The following SCAP variants were observed in gnomAD, a reference collection of about 807,000 sequenced individuals.
SCAP encodes sterol regulatory element-binding protein cleavage-activating protein.
Under a neutral mutation model 123.6 loss-of-function variants are expected in SCAP, and 65 were observed. The observed-to-expected ratio is 0.53, with a 90% CI of 0.43 to 0.65. The LOEUF is 0.65. Ranked by LOEUF, SCAP falls within the 30% of genes least tolerant of loss-of-function variation. SCAP has a pLI of 0.00. For synonymous variants in SCAP, 740 were observed against 726.3 expected (o/e 1.02, Z -0.30); for missense variants, 1,398 against 1,712.5 (o/e 0.82, Z 3.24).
chr3:47,462,739 G>A (rs1156933695), intron 1 of SCAP, among the ~76,000 whole-genome samples: 5 of 129,408 alleles, frequency 3.9e-5, no homozygotes, highest in Non-Finnish European at 7.9e-5. Flanking sequence ...GGCAATAAGA[G>A]CGAAACTCCG....
At chr3:47,428,755 T>C (rs1262217702) in intron 3 of SCAP, 85 bp from the exon 4 acceptor site, 14 of 1,431,144 alleles carry the variant, frequency 9.8e-6, no homozygotes, top group African/African-American at 2.8e-5. Context: ...TTAATGGGCA[T>C]TGGAAACCGT....
At chr3:47,418,597 T>C in intron 14 of SCAP, 58 bp downstream of exon 14, 1 of 1,549,058 alleles carries the variant, frequency 6.5e-7, no homozygotes. Context: ...CCCCTACTCT[T>C]GCCTACCCGT....
intron 18 of SCAP, 77 bp downstream of exon 18, chr3:47,417,045 A>G (rs1340878248): frequency 2.3e-6 from 3 of 1,311,430 alleles, no homozygotes; most frequent in Non-Finnish European, 2.2e-6. Context: ...GAAGAGAACC[A>G]GAACTCAAGA....
chr3:47,416,135 C>T (rs1270294198), intron 18 of SCAP, among the ~76,000 whole-genome samples: 3 of 152,254 alleles, frequency 2.0e-5, no homozygotes, highest in Non-Finnish European at 4.4e-5. Context: ...AGCTCTAGGT[C>T]AGATGGTGCT....
rs1452118290 is a variant in SCAP, at chr3:47,417,353, T to G, written c.2921A>C (p.Glu974Ala). 1 of 1,609,834 alleles carries G rather than the reference T, an allele frequency of 6.2e-7. No homozygotes were observed. The highest frequency in any genetic ancestry group is 8.5e-7 in the Non-Finnish European group (1 of 1,179,138). Residue 974 changes from glutamate to alanine, a missense_variant, in exon 17 of 23, where the codon GAG becomes GCG. Transcript: ENST00000265565. ...CACCACGATGAGGTTGCCCTGCAGC[T>G]CCAAGCTCCAGATGGAACCCTCGGC... ...PSAEGSIWSL[E>A]LQGNLIVVGR...
chr3:47,470,776 G>A (rs922855370), intron 1 of SCAP, among the ~76,000 whole-genome samples: 7 of 152,038 alleles, frequency 4.6e-5, no homozygotes, highest in Admixed American at 2.6e-4. Context: ...CAGGAGAGTC[G>A]CTTGAACCCA....
intron 7 of SCAP, 67 bp from the exon 8 acceptor site, chr3:47,425,678 G>C: frequency 1.9e-6 from 3 of 1,564,028 alleles, no homozygotes; most frequent in Non-Finnish European, 2.6e-6. Flanking sequence ...GGGCTCCCGG[G>C]AGTAGGTTGC....
At chr3:47,455,307 A>G (rs1255523031) in intron 1 of SCAP, among the ~76,000 whole-genome samples, 2 of 151,518 alleles carry the variant, frequency 1.3e-5, no homozygotes, top group African/African-American at 2.4e-5. Context: ...AATCTCTGAA[A>G]CTCCCAGCAG....
At position 47,449,563 on chromosome 3, in the gene SCAP, A is replaced by C. The variant is rs771933318; in HGVS notation, c.-98-6472T>G. Among the ~76,000 whole-genome samples the C allele has an allele frequency of 8.8e-4, 109 of 124,090 alleles. 25 individuals are homozygous for C. Among genetic ancestry groups the C allele is most frequent in the Admixed American group, 1.3e-3 (14 of 11,140 alleles). 81.4% of individuals were successfully genotyped at this position (124,090 alleles called of 152,430 possible). A position where few individuals can be genotyped will look rare whatever the true frequency, so the allele number is the denominator to read the frequency against. On this transcript the variant is annotated intron_variant, in intron 1 of 22. Coordinates refer to ENST00000265565, the MANE Select transcript of SCAP (RefSeq NM_012235.4). ...GGCCAGAGCAAGAGAAAAGGAGAAA[A>C]GACAAAGCAAACAACACACGAGATT...
chr3:47,449,895 T>G lies in SCAP; in HGVS notation c.-98-6804A>C, dbSNP rs1707180096. Among the ~76,000 whole-genome samples, 2 of 125,772 alleles carry G rather than the reference T, an allele frequency of 1.6e-5. 1 individual carries two copies. The highest frequency in any genetic ancestry group is 3.5e-5 in the Non-Finnish European group (2 of 56,630). The allele number at this position is 125,772 out of a possible 152,430, so 82.5% of individuals were successfully genotyped here. A position where few individuals can be genotyped will look rare whatever the true frequency, so the allele number is the denominator to read the frequency against. On this transcript the variant is annotated intron_variant, in intron 1 of 22. Coordinates refer to ENST00000265565, the MANE Select transcript of SCAP (RefSeq NM_012235.4). ...GGATTTCAGTTGCTCTCTTCAGACA[T>G]AAAGGGTGGAGTATGTTTACTCCAT...
At chr3:47,424,145 C>T (rs1415499675) in intron 8 of SCAP, 100 bp from the exon 9 acceptor site, 11 of 822,328 alleles carry the variant, frequency 1.3e-5, no homozygotes, top group Non-Finnish European at 2.0e-5. Flanking sequence ...GTCATGGGGG[C>T]TGCTGAGTGA....
chr3:47,418,626 T>TTGGCCCCC, intron 14 of SCAP, 29 bp downstream of exon 14: 14 of 1,459,484 alleles, frequency 9.6e-6, no homozygotes, highest in South Asian at 1.2e-5. Context: ...CCGCACTCTT[T>TTGGCCCCC]CCCACCCCAC....
rs188227899 is a variant in SCAP at position 47,466,417 on chromosome 3, C to A, written c.-99+9382G>T. ...CATGTGAGATGAGTCATTCTTGAACCTTGTTATGATGTCAGCACTACCCAT... is the reference window on the plus strand; with the variant it reads ...CATGTGAGATGAGTCATTCTTGAACATTGTTATGATGTCAGCACTACCCAT... On this transcript the variant is annotated intron_variant, in intron 1 of 22. Coordinates refer to ENST00000265565, the MANE Select transcript of SCAP (RefSeq NM_012235.4). 1.7e-4 allele frequency among the ~76,000 whole-genome samples: 26 copies of A among 151,880 alleles called. No individual in the cohort carries two copies. In the South Asian group the frequency reaches 5.0e-3, roughly 29 times the overall value.
At chr3:47,417,054 G>T in intron 18 of SCAP, 68 bp downstream of exon 18, 2 of 1,394,468 alleles carry the variant, frequency 1.4e-6, no homozygotes, top group South Asian at 1.2e-5. Context: ...CAGAACTCAA[G>T]ACTCAAGAGA....
Position 47,417,672 on chromosome 3 carries a change from C to T in SCAP, c.2602G>A (p.Gly868Arg), listed in dbSNP as rs749293673. The change falls in exon 17 of 23, where the codon GGG becomes AGG. Residue 868 changes from glycine (G) to arginine (R), a missense_variant. By Grantham distance (125) the Gly-to-Arg change is moderately radical. This residue lies in a region of SCAP where 828 missense variants were observed against 882.5 expected (regional missense o/e 0.94). Transcript: ENST00000265565. ...AAGCAGGTGAGGTCAGGCTGGTCCC[C>T]GAAGAGGGAAGGCGGCGGAGGGCCC... ...PRGPPPPSLFGDQPDLTCLID... is the reference protein window; with the variant it reads ...PRGPPPPSLFRDQPDLTCLID... The T allele has an allele frequency of 5.7e-5, 92 of 1,608,294 alleles. No individual in the cohort carries two copies. The highest frequency in any genetic ancestry group is 1.8e-4 in the South Asian group (16 of 90,696).
At chr3:47,455,768 T>C (rs1229497449) in intron 1 of SCAP, among the ~76,000 whole-genome samples, 1 of 152,000 alleles carries the variant, frequency 6.6e-6, no homozygotes, top group Non-Finnish European at 1.5e-5. Flanking sequence ...ACAGTCCCAA[T>C]AAAAACAGGA....
At chr3:47,437,732 A>C (rs1454083184) in intron 2 of SCAP, among the ~76,000 whole-genome samples, 1 of 151,946 alleles carries the variant, frequency 6.6e-6, no homozygotes, top group Non-Finnish European at 1.5e-5. Flanking sequence ...ACAGAGTGAG[A>C]CCCCCGTCTC....
rs1017258631 is a variant in SCAP, at chr3:47,420,460, C to A, written c.1563+94G>T. On this transcript the variant is annotated intron_variant, in intron 12 of 22. Transcript: ENST00000265565. This position sits in a 1 kb window ranked among gnomAD's most constrained non-coding sequence, Gnocchi z 5.0. ...AGGGGCCACCAGGGCCTGAGGAATACCCTTTGCCACTCTAAGGCCAAGTGC... is the reference window on the plus strand; with the variant it reads ...AGGGGCCACCAGGGCCTGAGGAATAACCTTTGCCACTCTAAGGCCAAGTGC... The A allele has an allele frequency of 2.6e-5, 31 of 1,170,404 alleles. No homozygotes were observed. The South Asian group carries it at 4.0e-4, about 15-fold the overall frequency. The allele number at this position is 1,170,404 out of a possible 1,614,324, so 72.5% of individuals were successfully genotyped here. A position where few individuals can be genotyped will look rare whatever the true frequency, so the allele number is the denominator to read the frequency against.
intron 1 of SCAP, among the ~76,000 whole-genome samples, chr3:47,464,579 C>G (rs1288888366): frequency 6.6e-6 from 1 of 152,020 alleles, no homozygotes; most frequent in Non-Finnish European, 1.5e-5. Flanking sequence ...AAAAAATACT[C>G]AATGAAATAG....
Sources: gnomAD v4.1 joint callset for allele counts (sites outside exome capture counted in the v4.1 genomes callset) on GRCh38, gnomAD v4.1.1 for gene constraint, gnomAD v4.1.1 regional missense constraint, Gnocchi (gnomAD v3.1) non-coding constraint, MANE v1.5 for transcripts, NCBI Gene and HGNC (gene_info 2026-07-23, HGNC 2026-07-21) for gene names.